Variants in THSD7B observed in about 807,000 individuals in gnomAD.
THSD7B encodes thrombospondin type 1 domain containing 7B, also known as thrombospondin type-1 domain-containing protein 7B.
In THSD7B, 138 loss-of-function variants were observed where a neutral mutation model predicts 213.6. The ratio of observed to expected loss-of-function variants is 0.65; its 90% CI spans 0.56 to 0.74. The LOEUF (loss-of-function observed/expected upper bound fraction) is 0.74. Ranked by LOEUF, THSD7B falls within the 30% of genes least tolerant of loss-of-function variation. THSD7B has a pLI of 0.00. For missense variants in THSD7B, 1,931 were observed against 1,991.5 expected, an observed-to-expected ratio of 0.97 and a Z score of 0.58; for synonymous variants, 742 against 687.0, an observed-to-expected ratio of 1.08 and a Z score of -1.25.
chr2:136,779,196 A>ATGTG (rs773458822), intron 1 of THSD7B, among the ~76,000 whole-genome samples: 62 of 134,288 alleles, frequency 4.6e-4, no homozygotes, highest in Admixed American at 8.2e-4. Flanking sequence ...CTATATATAT[A>ATGTG]TATGTGTGTG....
At chr2:137,630,011 C>T (rs1027648304) in intron 20 of THSD7B, among the ~76,000 whole-genome samples, 27 of 149,886 alleles carry the variant, frequency 1.8e-4, no homozygotes, top group Admixed American at 9.3e-4. Flanking sequence ...TTTTTTTTCG[C>T]GATACAGAAT....
chr2:137,346,490 C>G (rs1684879262), intron 12 of THSD7B, among the ~76,000 whole-genome samples: 1 of 151,392 alleles, frequency 6.6e-6, no homozygotes, highest in Admixed American at 6.6e-5. Flanking sequence ...CTCTCTCTCT[C>G]TCTCTCTCCC....
intron 26 of THSD7B, among the ~76,000 whole-genome samples, chr2:137,665,907 T>C (rs1166087512): frequency 3.9e-5 from 6 of 152,144 alleles, no homozygotes; most frequent in African/African-American, 1.4e-4. Context: ...GTGAATGATA[T>C]GCACCATTTG....
At chr2:137,376,944 G>A (rs908748407) in intron 12 of THSD7B, among the ~76,000 whole-genome samples, 1 of 152,174 alleles carries the variant, frequency 6.6e-6, no homozygotes, top group African/African-American at 2.4e-5. Context: ...AAGCCATGAT[G>A]TAGAAAGAAG....
At chr2:136,911,989 T>C (rs1205833664) in intron 2 of THSD7B, among the ~76,000 whole-genome samples, 1 of 151,824 alleles carries the variant, frequency 6.6e-6, no homozygotes, top group Non-Finnish European at 1.5e-5. Flanking sequence ...TGATGGGCTG[T>C]TGGATAGCGG....
At chr2:137,392,596 T>G (rs1686058828) in intron 12 of THSD7B, among the ~76,000 whole-genome samples, 1 of 152,188 alleles carries the variant, frequency 6.6e-6, no homozygotes, top group African/African-American at 2.4e-5. Flanking sequence ...TTGCATGGAA[T>G]ATCTTTTTCC....
intron 18 of THSD7B, among the ~76,000 whole-genome samples, chr2:137,617,951 C>A (rs1682438842): frequency 6.6e-6 from 1 of 152,170 alleles, no homozygotes; most frequent in Non-Finnish European, 1.5e-5. Flanking sequence ...AAAATACCAT[C>A]ACCTAGAGGG....
chr2:137,226,195 C>T (rs1681496764), intron 7 of THSD7B, among the ~76,000 whole-genome samples: 1 of 151,602 alleles, frequency 6.6e-6, no homozygotes, highest in African/African-American at 2.4e-5. Flanking sequence ...CATTGTTTTC[C>T]ATAGTGTAAT....
chr2:137,673,147 A>ATGAG (rs1553468811), intron 27 of THSD7B, among the ~76,000 whole-genome samples: 1 of 152,206 alleles, frequency 6.6e-6, no homozygotes, highest in African/African-American at 2.4e-5. Context: ...TGGCTTGAGA[A>ATGAG]TGAGTCCTTG....
At chr2:136,994,212 G>T (rs1197258970) in intron 2 of THSD7B, among the ~76,000 whole-genome samples, 1 of 152,184 alleles carries the variant, frequency 6.6e-6, no homozygotes, top group Non-Finnish European at 1.5e-5. Context: ...TGCTCAGTTT[G>T]TAAGACAGAG....
At chr2:136,781,323 G>T (rs1681737754) in intron 1 of THSD7B, among the ~76,000 whole-genome samples, 2 of 144,008 alleles carry the variant, frequency 1.4e-5, no homozygotes, top group African/African-American at 2.6e-5. Flanking sequence ...GGAATGCAAT[G>T]GCCTGATCTC....
intron 20 of THSD7B, among the ~76,000 whole-genome samples, chr2:137,642,081 T>A (rs1682949237): frequency 6.6e-6 from 1 of 152,186 alleles, no homozygotes; most frequent in South Asian, 2.1e-4. Flanking sequence ...GCTTAAAATA[T>A]GAGGTATTTG....
In THSD7B at chr2:137,385,453, T is replaced by A. The variant is rs1394567957; in HGVS notation, c.2501-20160T>A. 2.0e-5 allele frequency among the ~76,000 whole-genome samples: 3 copies of A among 152,194 alleles called. No homozygotes were observed. The East Asian group carries it at 5.8e-4, about 29-fold the overall frequency. ...CAGATGATAGCCTCACCAGAGCCCA[T>A]GCTCCCCCACTCAGTCCCCTGTCTA... is the stretch of plus-strand genomic sequence containing the variant. On this transcript the variant is annotated intron_variant, in intron 12 of 27. Coordinates refer to ENST00000409968, the MANE Select transcript of THSD7B (RefSeq NM_001316349.2).
chr2:136,834,763 T>C (rs112943187), intron 1 of THSD7B, among the ~76,000 whole-genome samples: 1 of 152,192 alleles, frequency 6.6e-6, no homozygotes, highest in African/African-American at 2.4e-5. Context: ...TTAGCACTGT[T>C]TGGACAGCTG....
At chr2:137,258,855 G>A (rs574166166) in intron 10 of THSD7B, among the ~76,000 whole-genome samples, 1 of 151,846 alleles carries the variant, frequency 6.6e-6, no homozygotes, top group East Asian at 1.9e-4. Context: ...CCCCTGACAG[G>A]CCCTGAAGCG....
At chr2:137,502,121 G>A (rs922195524) in intron 15 of THSD7B, among the ~76,000 whole-genome samples, 1 of 152,036 alleles carries the variant, frequency 6.6e-6, no homozygotes, top group Non-Finnish European at 1.5e-5. Flanking sequence ...GATAATAAAT[G>A]ATGATGAAGT....
At position 137,282,545 on chromosome 2, in the gene THSD7B, A is replaced by G. The variant is rs1355175954; in HGVS notation, c.2500+6519A>G. Among the ~76,000 whole-genome samples the G allele has an allele frequency of 5.3e-5, 8 of 152,128 alleles. No homozygotes were observed. In the South Asian group the frequency reaches 1.4e-3, roughly 28 times the overall value. The stretch of plus-strand genomic sequence containing the variant: ...GAGTTTTTATGGTTTTAGGTCTAAC[A>G]TTTAAGTCTTTAATCAATCTTGAAT... On this transcript the variant is annotated intron_variant, in intron 12 of 27. Coordinates refer to ENST00000409968, the MANE Select transcript of THSD7B (RefSeq NM_001316349.2).
In THSD7B at chr2:137,442,120, TC is replaced by T. The variant is rs1328378516; in HGVS notation, c.2960-8722del. Among the ~76,000 whole-genome samples the T allele has an allele frequency of 2.6e-5, 4 of 152,238 alleles. No individual in the cohort carries two copies. In the East Asian group the frequency reaches 7.7e-4, roughly 29 times the overall value. On this transcript the variant is annotated intron_variant, in intron 14 of 27. Coordinates refer to ENST00000409968, the MANE Select transcript of THSD7B (RefSeq NM_001316349.2). ...TGAACTATGGAGATTTAATATTTTA[TC>T]CCAGATGACATAAGGTTAGACTTTG...
intron 4 of THSD7B, among the ~76,000 whole-genome samples, 200 bp downstream of exon 4, chr2:137,095,321 T>A (rs115545057): frequency 0.035 from 5,349 of 152,308 alleles, 157 homozygotes; most frequent in Non-Finnish European, 0.049. Context: ...CCTGTTTCTG[T>A]GACTTTCTAA....
Sources: gnomAD v4.1 joint callset for allele counts (sites outside exome capture counted in the v4.1 genomes callset) on GRCh38, gnomAD v4.1.1 for gene constraint, MANE v1.5 for transcripts, NCBI Gene and HGNC (gene_info 2026-07-23, HGNC 2026-07-21) for gene names.